Variants in B4GALNT4 observed in about 807,000 individuals in gnomAD.
B4GALNT4 encodes N-acetyl-beta-glucosaminyl-glycoprotein 4-beta-N-acetylgalactosaminyltransferase 1.
B4GALNT4 carries 77 observed loss-of-function variants against 110.0 expected under a neutral mutation model. That is an observed-to-expected ratio of 0.70 (90% CI 0.58 to 0.85). The LOEUF is 0.85. Ranked by LOEUF, B4GALNT4 falls within the 40% of genes least tolerant of loss-of-function variation. The probability of loss-of-function intolerance (pLI) is 0.00; values close to 1 mark genes in which losing one functional copy is unlikely to be tolerated. For synonymous variants in B4GALNT4, 785 were observed against 655.5 expected (o/e 1.20, Z -3.02); for missense variants, 1,575 against 1,506.0 (o/e 1.05, Z -0.76).
chr11:371,325 C>G (rs11246137), intron 1 of B4GALNT4, among the ~76,000 whole-genome samples: 12,072 of 152,210 alleles, frequency 0.079, 667 homozygotes, highest in Admixed American at 0.15. Context: ...CTTCCCAGAT[C>G]TGCCTGTGGA....
At chr11:372,327 C>T (rs768817204) in intron 2 of B4GALNT4, 115 bp downstream of exon 2, 2 of 951,802 alleles carry the variant, frequency 2.1e-6, no homozygotes, top group Non-Finnish European at 3.3e-6. Flanking sequence ...GGGCATGAGA[C>T]ACAGGACATG....
Position 376,468 on chromosome 11 carries a change from C to T in B4GALNT4, c.1345C>T (p.Pro449Ser). The change falls in exon 14 of 20, where the codon CCC (proline) becomes TCC (serine). Residue 449 changes from proline to serine, a missense_variant. Physicochemically the swap from Pro to Ser is moderately conservative, Grantham distance 74. Transcript: ENST00000329962. ...DEGELLDSLE[P>S]TEAAPPRSGP... ...GGGGGAGCTGCTCGACAGCCTGGAG[C>T]CCACCGAGGCGGCCCCGCCCAGGAG... The T allele has an allele frequency of 2.5e-6, 4 of 1,593,128 alleles. No individual in the cohort carries two copies. The South Asian group carries it at 3.3e-5, about 13-fold the overall frequency.
chr11:373,912 C>T, intron 8 of B4GALNT4, 84 bp downstream of exon 8: 3 of 1,371,726 alleles, frequency 2.2e-6, no homozygotes, highest in Non-Finnish European at 3.1e-6. Context: ...GGTCCCCGTC[C>T]CAAAGTTGAC....
At chr11:380,510 G>A (rs1028777808) in intron 18 of B4GALNT4, 65 bp downstream of exon 18, 8 of 1,527,548 alleles carry the variant, frequency 5.2e-6, no homozygotes, top group Admixed American at 2.0e-5. Flanking sequence ...GTAAAGTCCA[G>A]GAACCCGGGG....
At position 379,895 on chromosome 11, in the gene B4GALNT4, T is replaced by A. The variant is rs762470791; in HGVS notation, c.2518T>A (p.Phe840Ile). ...VKNQARWVAQ[F>I]LADMAALHAR... ...AAACCAGGCACGGTGGGTGGCACAG[T>A]TCCTGGCGGACATGGCTGCGCTGCA... Residue 840 changes from phenylalanine (F) to isoleucine (I), a missense_variant, in exon 16 of 20, where the codon TTC (phenylalanine) becomes ATC (isoleucine). By Grantham distance (21) the Phe-to-Ile change is conservative. Coordinates refer to ENST00000329962, the MANE Select transcript of B4GALNT4 (RefSeq NM_178537.5). 2 of 1,607,422 alleles carry A rather than the reference T, an allele frequency of 1.2e-6. No individual in the cohort carries two copies. The highest frequency in any genetic ancestry group is 4.5e-5 in the East Asian group (2 of 44,824).
Position 381,660 on chromosome 11 carries a change from C to G in B4GALNT4, c.2997-9C>G. The G allele has an allele frequency of 1.8e-5, 29 of 1,580,684 alleles. No homozygotes were observed. The highest frequency in any genetic ancestry group is 2.4e-5 in the Non-Finnish European group (28 of 1,165,124). On this transcript the variant is annotated splice_polypyrimidine_tract_variant and intron_variant, in intron 19 of 19. Coordinates refer to ENST00000329962, the MANE Select transcript of B4GALNT4 (RefSeq NM_178537.5). ...GGGGTCCTGACCACCTCTCTGCCCCCGGCCCCAGGGTCCTGCAGGCAGGGC... is the reference window on the plus strand; with the variant it reads ...GGGGTCCTGACCACCTCTCTGCCCCGGGCCCCAGGGTCCTGCAGGCAGGGC...
intron 14 of B4GALNT4, among the ~76,000 whole-genome samples, chr11:378,363 C>T (rs72847398): frequency 0.061 from 9,291 of 152,234 alleles, 400 homozygotes; most frequent in Admixed American, 0.12. Context: ...TCAGAGGGCA[C>T]GCCTGCCCCG....
chr11:380,881 C>G lies in B4GALNT4; in HGVS notation c.2926C>G (p.Arg976Gly), dbSNP rs1163396980. 6.2e-7 allele frequency: 1 copy of G among 1,613,672 alleles called. No individual in the cohort carries two copies. Among genetic ancestry groups the G allele is most frequent in the Non-Finnish European group, 8.5e-7 (1 of 1,179,884 alleles). Residue 976 changes from arginine to glycine, a missense_variant, in exon 19 of 20, where the codon CGG becomes GGG. Transcript: ENST00000329962. ...LFGIYKSDFD[R>G]VGGMNTEEFR... ...TGGGATCTACAAGTCGGACTTTGAC[C>G]GGGTTGGAGGAATGAACACGGAGGA...
At position 376,239 on chromosome 11, in the gene B4GALNT4, G is replaced by A. The variant is rs1024482384; in HGVS notation, c.1197-12G>A. 4 of 1,605,388 alleles carry A rather than the reference G, an allele frequency of 2.5e-6. No homozygotes were observed. Among genetic ancestry groups the A allele is most frequent in the Non-Finnish European group, 2.6e-6 (3 of 1,175,974 alleles). On this transcript the variant is annotated splice_polypyrimidine_tract_variant and intron_variant, in intron 12 of 19. Transcript: ENST00000329962. Reference sequence around the variant, plus strand: ...GGGCGGGACTCGGCTCTGATGCCCCGCCGCGCCCCAGGTTTGGGTTCTATA... The same window carrying A: ...GGGCGGGACTCGGCTCTGATGCCCCACCGCGCCCCAGGTTTGGGTTCTATA...
At position 373,240 on chromosome 11, in the gene B4GALNT4, G is replaced by A; in HGVS notation, c.585G>A (p.Leu195=). The A allele has an allele frequency of 6.2e-7, 1 of 1,612,150 alleles. No homozygotes were observed. Among genetic ancestry groups the A allele is most frequent in the African/African-American group, 1.3e-5 (1 of 75,008 alleles). Reference sequence around the variant, plus strand: ...CAGACGACAACTCGGAGTTCTGGCTGAGTCTGGACGAGAGCCCTGCTGCTG... The same window carrying A: ...CAGACGACAACTCGGAGTTCTGGCTAAGTCTGGACGAGAGCCCTGCTGCTG... ...VASDDNSEFW[L]SLDESPAAAQ... is the part of the protein sequence containing the mutation. The change falls in exon 6 of 20, where the codon CTG becomes CTA. Residue 195 remains leucine, a synonymous_variant. Transcript: ENST00000329962.
intron 14 of B4GALNT4, among the ~76,000 whole-genome samples, chr11:377,650 C>G (rs1038680195): frequency 1.3e-5 from 2 of 152,244 alleles, no homozygotes; most frequent in African/African-American, 4.8e-5. Context: ...CTGCAGAGAT[C>G]AGCGTCAGTC....
chr11:375,950 G>T lies in B4GALNT4; in HGVS notation c.1089G>T (p.Leu363=). Residue 363 remains leucine (L), a synonymous_variant, in exon 11 of 20, where the codon CTG becomes CTT. Transcript: ENST00000329962. The part of the protein sequence containing the change: ...KDFPIARYQG[L]QFVYLSFVYP... ...TCCCGATCGCCAGATACCAGGGCCT[G>T]CAATTTGTGAGTGCGGCTGGAGACC... 1 of 1,611,578 alleles carries T rather than the reference G, an allele frequency of 6.2e-7. No homozygotes were observed. Among genetic ancestry groups the T allele is most frequent in the Non-Finnish European group, 8.5e-7 (1 of 1,179,410 alleles).
In B4GALNT4 at chr11:376,866, C is replaced by T; in HGVS notation, c.1743C>T (p.Gly581=). ...PPRPHGRRTG[G]PQATQPRPPA... is the part of the protein sequence containing the mutation. Reference sequence around the variant, plus strand: ...GGCCCCACGGCCGCAGGACCGGCGGCCCCCAGGCCACACAGCCGAGGCCCC... The same window carrying T: ...GGCCCCACGGCCGCAGGACCGGCGGTCCCCAGGCCACACAGCCGAGGCCCC... Residue 581 remains glycine, a synonymous_variant, in exon 14 of 20, where the codon GGC becomes GGT. Coordinates refer to ENST00000329962, the MANE Select transcript of B4GALNT4 (RefSeq NM_178537.5). 7.6e-7 allele frequency: 1 copy of T among 1,323,576 alleles called. No homozygotes were observed. The highest frequency in any genetic ancestry group is 3.3e-5 in the East Asian group (1 of 30,560). The allele number at this position is 1,323,576 out of a possible 1,614,324, so 82.0% of individuals were successfully genotyped here.
At chr11:372,013 G>T in intron 1 of B4GALNT4, 96 bp from the exon 2 acceptor site, 2 of 951,876 alleles carry the variant, frequency 2.1e-6, no homozygotes, top group Non-Finnish European at 3.3e-6. Flanking sequence ...GCCCTGCTCT[G>T]GCCATGTGGG....
intron 3 of B4GALNT4, 30 bp downstream of exon 3, chr11:372,784 GAGGCA>G: frequency 6.4e-7 from 1 of 1,556,426 alleles, no homozygotes; most frequent in Non-Finnish European, 8.7e-7. Context: ...AATGGGCTGG[GAGGCA>G]GGGCGGGGGC....
At chr11:381,217 A>G (rs1200478351) in intron 19 of B4GALNT4, 1 of 866,136 alleles carries the variant, frequency 1.2e-6, no homozygotes, top group Non-Finnish European at 1.4e-6. Context: ...GGTGGCCCTG[A>G]GTCCCCATCA....
intron 1 of B4GALNT4, 28 bp downstream of exon 1, chr11:369,982 G>A: frequency 6.6e-6 from 3 of 454,178 alleles, no homozygotes; most frequent in Non-Finnish European, 8.4e-6. Context: ...CGGGGGGCGC[G>A]GGGGGCGGGG....
At position 376,982 on chromosome 11, in the gene B4GALNT4, C is replaced by T; in HGVS notation, c.1859C>T (p.Ser620Phe). 1.4e-6 allele frequency: 2 copies of T among 1,458,196 alleles called. No homozygotes were observed. Among genetic ancestry groups the T allele is most frequent in the Non-Finnish European group, 1.8e-6 (2 of 1,110,736 alleles). 90.3% of individuals were successfully genotyped at this position (1,458,196 alleles called of 1,614,324 possible). ...CCCACAGTGGACTCAAACTTGTCCT[C>T]CGAAGCGCGGCCCGTGACCTCCTTC... The part of the protein sequence containing the change: ...AAPTVDSNLS[S>F]EARPVTSFLS... Residue 620 changes from serine to phenylalanine, a missense_variant, in exon 14 of 20, where the codon TCC becomes TTC. Transcript: ENST00000329962.
At chr11:372,622 C>A (rs1846636645) in intron 2 of B4GALNT4, 40 bp from the exon 3 acceptor site, 2 of 1,541,972 alleles carry the variant, frequency 1.3e-6, no homozygotes, top group South Asian at 1.1e-5. Flanking sequence ...CTCCTCCCTG[C>A]CCTTCCAACC....
Sources: allele counts gnomAD v4.1 joint callset (sites outside exome capture counted in the v4.1 genomes callset), GRCh38; gene constraint gnomAD v4.1.1; transcripts MANE v1.5; gene names NCBI Gene and HGNC (gene_info 2026-07-23, HGNC 2026-07-21).